Variants in DTL observed in about 807,000 individuals in gnomAD.
DTL encodes the protein denticleless E3 ubiquitin protein ligase adapter, also known as denticleless protein homolog.
DTL carries 46 observed loss-of-function variants against 87.0 expected under a neutral mutation model. The observed-to-expected ratio is 0.53, with a 90% CI of 0.42 to 0.68. The LOEUF is 0.68. DTL is among the 30% of genes least tolerant of loss of function. The pLI is 0.00. For synonymous variants in DTL, 308 were observed against 311.2 expected, an observed-to-expected ratio of 0.99 and a Z score of 0.11; for missense variants, 737 against 869.4, an observed-to-expected ratio of 0.85 and a Z score of 1.91.
At chr1:212,046,948 A>G (rs1667825770) in intron 3 of DTL, among the ~76,000 whole-genome samples, 1 of 152,216 alleles carries the variant, frequency 6.6e-6, no homozygotes, top group Admixed American at 6.5e-5. Context: ...CCTTGCCAGC[A>G]TCTGTTGTTT....
intron 13 of DTL, among the ~76,000 whole-genome samples, chr1:212,092,586 C>T (rs1016236192): frequency 6.6e-6 from 1 of 151,952 alleles, no homozygotes; most frequent in East Asian, 1.9e-4. Flanking sequence ...CCTGCAAATG[C>T]CATTATTTCA....
intron 5 of DTL, among the ~76,000 whole-genome samples, chr1:212,056,409 G>T (rs1020318189): frequency 1.3e-5 from 2 of 152,170 alleles, no homozygotes; most frequent in African/African-American, 4.8e-5. Context: ...CAAAAGAAAT[G>T]ATAGAGACTA....
chr1:212,045,097 C>G (rs944143268), intron 3 of DTL, among the ~76,000 whole-genome samples: 1 of 152,200 alleles, frequency 6.6e-6, no homozygotes, highest in Non-Finnish European at 1.5e-5. Context: ...ACTCACTCAT[C>G]TTTTCACCTC....
At chr1:212,063,028 A>G in intron 6 of DTL, 79 bp downstream of exon 6, 1 of 1,088,128 alleles carries the variant, frequency 9.2e-7, no homozygotes, top group Non-Finnish European at 1.4e-6. Flanking sequence ...TAGTGATTTC[A>G]TCTGATTACC....
intron 1 of DTL, among the ~76,000 whole-genome samples, chr1:212,038,232 G>C (rs1667543733): frequency 1.3e-5 from 2 of 152,152 alleles, no homozygotes; most frequent in South Asian, 4.1e-4. Context: ...GCCTCAAACA[G>C]GAATTGATTT....
In DTL at chr1:212,100,315, ATTC is replaced by A. The variant is rs772008936; in HGVS notation, c.1329_1331del (p.Ser444del). 1 of 1,611,590 alleles carries A rather than the reference ATTC, an allele frequency of 6.2e-7. No homozygotes were observed. The highest frequency in any genetic ancestry group is 1.7e-5 in the Admixed American group (1 of 59,722). ...CCCAGGGCAAAGTGCAATCCATCCA[ATTC>A]TTCCCCGTCATCCGCAGCTTGTGCC... On this transcript the variant is annotated inframe_deletion, in exon 14 of 15. Transcript: ENST00000366991.
chr1:212,049,229 G>C (rs1197410113), intron 5 of DTL, among the ~76,000 whole-genome samples: 1 of 152,112 alleles, frequency 6.6e-6, no homozygotes, highest in Non-Finnish European at 1.5e-5. Context: ...AGCCTGGCTT[G>C]GACTTTTAAG....
At chr1:212,044,855 T>A in intron 3 of DTL, 97 bp downstream of exon 3, 1 of 731,426 alleles carries the variant, frequency 1.4e-6, no homozygotes, top group East Asian at 2.6e-5. Flanking sequence ...TAGTCTGTCT[T>A]CTGTTGCTAT....
chr1:212,074,231 T>TTA (rs949598460), intron 11 of DTL, among the ~76,000 whole-genome samples: 2 of 151,286 alleles, frequency 1.3e-5, no homozygotes, highest in African/African-American at 4.8e-5. Context: ...AATTTTTAAA[T>TTA]TATATATATA....
At chr1:212,060,620 A>T (rs943208011) in intron 5 of DTL, among the ~76,000 whole-genome samples, 3 of 151,988 alleles carry the variant, frequency 2.0e-5, no homozygotes, top group Non-Finnish European at 4.4e-5. Context: ...CTGTAGTCCC[A>T]GCTGCTTGGA....
Position 212,068,332 on chromosome 1 carries a change from G to A in DTL, c.817+5G>A. On this transcript the variant is annotated splice_donor_5th_base_variant and intron_variant, in intron 9 of 14. Coordinates refer to ENST00000366991, the MANE Select transcript of DTL (RefSeq NM_016448.4). ...GTAGCAGCACTCGAAAACTTGGTAA[G>A]CCTTTAATAGGTCTTTTGGGGGAGA... is the stretch of plus-strand genomic sequence containing the variant. 7.7e-6 allele frequency: 12 copies of A among 1,565,532 alleles called. No homozygotes were observed. The highest frequency in any genetic ancestry group is 9.5e-6 in the Non-Finnish European group (11 of 1,152,540).
At chr1:212,096,685 A>G (rs1278278883) in intron 13 of DTL, among the ~76,000 whole-genome samples, 1 of 152,156 alleles carries the variant, frequency 6.6e-6, no homozygotes, top group African/African-American at 2.4e-5. Flanking sequence ...GGTTCTAAGA[A>G]TTCCCTTTGG....
chr1:212,036,148 A>C (rs1667448945), intron 1 of DTL, among the ~76,000 whole-genome samples: 1 of 152,188 alleles, frequency 6.6e-6, no homozygotes, highest in Non-Finnish European at 1.5e-5. Context: ...CGGGCTTTTA[A>C]AATCGTAACG....
At chr1:212,060,309 A>T (rs1668305176) in intron 5 of DTL, among the ~76,000 whole-genome samples, 1 of 152,260 alleles carries the variant, frequency 6.6e-6, no homozygotes, top group African/African-American at 2.4e-5. Flanking sequence ...TAGAGAATTC[A>T]GAAATAAATC....
intron 7 of DTL, 52 bp downstream of exon 7, chr1:212,065,081 A>G: frequency 7.8e-7 from 1 of 1,289,778 alleles, no homozygotes; most frequent in Non-Finnish European, 1.1e-6. Flanking sequence ...GTAGGATAGA[A>G]TAAATGGGAG....
intron 11 of DTL, among the ~76,000 whole-genome samples, chr1:212,075,971 A>G (rs1421447875): frequency 6.6e-6 from 1 of 152,206 alleles, no homozygotes; most frequent in Non-Finnish European, 1.5e-5. Context: ...ATACAAAATC[A>G]GCATTTTGTG....
intron 13 of DTL, among the ~76,000 whole-genome samples, chr1:212,090,794 A>G (rs921879539): frequency 6.6e-6 from 1 of 152,228 alleles, no homozygotes; most frequent in Admixed American, 6.5e-5. Flanking sequence ...GATAACCTTA[A>G]CAAATAATTG....
At position 212,080,789 on chromosome 1, in the gene DTL, G is replaced by T. The variant is rs1246188151; in HGVS notation, c.1261+39G>T. The T allele has an allele frequency of 3.1e-6, 5 of 1,608,084 alleles. No homozygotes were observed. The South Asian group carries it at 5.5e-5, about 18-fold the overall frequency. Reference sequence around the variant, plus strand: ...ATACTTTCCAAGTTTTTTATGGTTTGACTAGTTTAGTCCGACAGTACAGAG... The same window carrying T: ...ATACTTTCCAAGTTTTTTATGGTTTTACTAGTTTAGTCCGACAGTACAGAG... On this transcript the variant is annotated intron_variant, in intron 13 of 14. Transcript: ENST00000366991.
intron 2 of DTL, 147 bp downstream of exon 2, chr1:212,043,265 A>G (rs1467482666): frequency 2.7e-6 from 2 of 752,932 alleles, no homozygotes; most frequent in African/African-American, 3.6e-5. Flanking sequence ...CTTCTGATTT[A>G]TAAAATAGAC....
Sources: allele counts gnomAD v4.1 joint callset (sites outside exome capture counted in the v4.1 genomes callset), GRCh38; gene constraint gnomAD v4.1.1; transcripts MANE v1.5; gene names NCBI Gene and HGNC (gene_info 2026-07-23, HGNC 2026-07-21).